The following PGS1 variants were observed in gnomAD, a reference collection of about 807,000 sequenced individuals.
The protein encoded by PGS1 is phosphatidylglycerophosphate synthase 1.
In PGS1, 44 loss-of-function variants were observed where a neutral mutation model predicts 58.3. The ratio of observed to expected loss-of-function variants is 0.75; its 90% CI spans 0.59 to 0.97. The LOEUF (loss-of-function observed/expected upper bound fraction) is 0.97. Among genes scored for constraint, PGS1 ranks in the 50% least tolerant of loss-of-function variants. PGS1 has a pLI of 0.00. For synonymous variants in PGS1, 330 were observed against 311.0 expected (o/e 1.06, Z -0.64); for missense variants, 684 against 731.1 (o/e 0.94, Z 0.74).
intron 6 of PGS1, among the ~76,000 whole-genome samples, chr17:78,403,225 C>G (rs2083834172): frequency 2.6e-5 from 4 of 151,750 alleles, no homozygotes; most frequent in Admixed American, 2.6e-4. Flanking sequence ...CCCGTATGTC[C>G]CCCCCAAGGA....
chr17:78,410,356 G>A (rs960893359), intron 7 of PGS1, among the ~76,000 whole-genome samples: 1 of 151,966 alleles, frequency 6.6e-6, no homozygotes, highest in East Asian at 1.9e-4. Context: ...TTGAACCCAG[G>A]AGCCGGAGGT....
At chr17:78,419,274 G>C (rs1010715656) in intron 8 of PGS1, among the ~76,000 whole-genome samples, 3 of 152,222 alleles carry the variant, frequency 2.0e-5, no homozygotes, top group Admixed American at 6.5e-5. Flanking sequence ...GCCTCCAAAA[G>C]TGTTGGGATT....
intron 8 of PGS1, 33 bp downstream of exon 8, chr17:78,415,060 C>G (rs2085056919): frequency 6.4e-7 from 1 of 1,568,046 alleles, no homozygotes; most frequent in Non-Finnish European, 8.6e-7. Context: ...TCCCAGGGCG[C>G]TGAGGGTGTG....
intron 1 of PGS1, among the ~76,000 whole-genome samples, chr17:78,388,491 G>A (rs1366425732): frequency 6.6e-6 from 1 of 150,444 alleles, no homozygotes; most frequent in Non-Finnish European, 1.5e-5. Context: ...ATGCCTCCAC[G>A]CCTGGCTAAT....
In PGS1 at chr17:78,403,986, G is replaced by C. The variant is rs1413566002; in HGVS notation, c.1299G>C (p.Val433=). The C allele has an allele frequency of 2.5e-6, 4 of 1,614,008 alleles. No homozygotes were observed. Among genetic ancestry groups the C allele is most frequent in the Non-Finnish European group, 3.4e-6 (4 of 1,179,966 alleles). Residue 433 remains valine, a synonymous_variant, in exon 7 of 10, where the codon GTG becomes GTC. Coordinates refer to ENST00000262764, the MANE Select transcript of PGS1 (RefSeq NM_024419.5). ...GVAGAIPAAY[V]HIERQFFSEV... ...CCGGCGCCATCCCAGCGGCCTATGTGCACATCGAGCGACAGTTCTTCAGTG... is the reference window on the plus strand; with the variant it reads ...CCGGCGCCATCCCAGCGGCCTATGTCCACATCGAGCGACAGTTCTTCAGTG...
intron 1 of PGS1, among the ~76,000 whole-genome samples, chr17:78,386,017 T>G (rs2082359685): frequency 6.6e-6 from 1 of 152,198 alleles, no homozygotes; most frequent in Non-Finnish European, 1.5e-5. Flanking sequence ...GGCACCCTGC[T>G]GAGGACCTCT....
chr17:78,392,792 C>G (rs2082923740), intron 2 of PGS1, 127 bp downstream of exon 2: 4 of 715,940 alleles, frequency 5.6e-6, no homozygotes, highest in Non-Finnish European at 9.1e-6. Flanking sequence ...TGGGTTTTAC[C>G]TGTCAGGTTT....
intron 7 of PGS1, among the ~76,000 whole-genome samples, chr17:78,406,251 G>T (rs1348671072): frequency 6.6e-6 from 1 of 152,132 alleles, no homozygotes; most frequent in Non-Finnish European, 1.5e-5. Context: ...CCGGGAGGTG[G>T]AGCTTGCAGT....
At chr17:78,415,271 C>T (rs573636112) in intron 8 of PGS1, among the ~76,000 whole-genome samples, 14 of 152,340 alleles carry the variant, frequency 9.2e-5, no homozygotes, top group African/African-American at 3.1e-4. Flanking sequence ...TTTCTCTGCA[C>T]TAGGGGAGAC....
chr17:78,412,266 T>C (rs1216714366), intron 7 of PGS1, among the ~76,000 whole-genome samples: 1 of 152,124 alleles, frequency 6.6e-6, no homozygotes. Context: ...CGTTATTTTC[T>C]TTCTGATGGA....
chr17:78,396,997 G>A (rs920303132), intron 3 of PGS1, among the ~76,000 whole-genome samples: 3 of 151,378 alleles, frequency 2.0e-5, no homozygotes, highest in Non-Finnish European at 4.4e-5. Flanking sequence ...CTAGACAAAC[G>A]GACCTGAGTG....
chr17:78,409,095 T>C lies in PGS1; in HGVS notation c.1402+5006T>C, dbSNP rs193297158. 2.3e-4 allele frequency among the ~76,000 whole-genome samples: 35 copies of C among 152,364 alleles called. No homozygotes were observed. The East Asian group carries it at 6.2e-3, about 27-fold the overall frequency. On this transcript the variant is annotated intron_variant, in intron 7 of 9. Transcript: ENST00000262764. ...ATGAACCGTGTCAAGCCAGTTCTTA[T>C]GTCTCTCTTCATCTTTCTGCTCCAT...
chr17:78,408,262 A>G (rs2084327981), intron 7 of PGS1, among the ~76,000 whole-genome samples: 1 of 152,130 alleles, frequency 6.6e-6, no homozygotes, highest in Non-Finnish European at 1.5e-5. Context: ...ATTTTTGTAA[A>G]GGGTGCCTAT....
At chr17:78,421,568 ACT>A (rs1491460379) in intron 9 of PGS1, 1 of 152,228 alleles carries the variant, frequency 6.6e-6, no homozygotes, top group Non-Finnish European at 1.5e-5. Flanking sequence ...ATCAGTTAAC[ACT>A]GTTTGCCTTC....
At chr17:78,387,675 C>A (rs1409257852) in intron 1 of PGS1, among the ~76,000 whole-genome samples, 1 of 149,324 alleles carries the variant, frequency 6.7e-6, no homozygotes, top group East Asian at 2.0e-4. Flanking sequence ...TCTTGGCTCA[C>A]TGCAGCTTCG....
intron 1 of PGS1, among the ~76,000 whole-genome samples, chr17:78,385,719 G>GC (rs1317546907): frequency 6.6e-6 from 1 of 152,212 alleles, no homozygotes; most frequent in East Asian, 1.9e-4. Flanking sequence ...ACTGTGCCCG[G>GC]CCCCCGGGTT....
intron 6 of PGS1, among the ~76,000 whole-genome samples, chr17:78,402,605 A>G (rs1436667626): frequency 1.3e-5 from 2 of 151,998 alleles, no homozygotes; most frequent in Non-Finnish European, 2.9e-5. Context: ...ACAACACCAC[A>G]CCTGGCTAAT....
At chr17:78,416,762 G>A (rs181178181) in intron 8 of PGS1, among the ~76,000 whole-genome samples, 104 of 152,256 alleles carry the variant, frequency 6.8e-4, no homozygotes, top group South Asian at 1.0e-3. Flanking sequence ...CCTGTGAAAC[G>A]CAGAAATATG....
intron 1 of PGS1, among the ~76,000 whole-genome samples, chr17:78,382,231 G>C (rs1275092247): frequency 6.6e-6 from 1 of 152,196 alleles, no homozygotes; most frequent in Non-Finnish European, 1.5e-5. Context: ...ACCGAGTAGG[G>C]GATGGAGGGA....
Sources: gnomAD v4.1 joint callset for allele counts (sites outside exome capture counted in the v4.1 genomes callset) on GRCh38, gnomAD v4.1.1 for gene constraint, MANE v1.5 for transcripts, NCBI Gene and HGNC (gene_info 2026-07-23, HGNC 2026-07-21) for gene names.